CIMAP3: variants seen among roughly 807,000 people sequenced by gnomAD.
CIMAP3 encodes ciliary microtubule-associated protein 3.
the CIMAP3 span, among the ~76,000 whole-genome samples, chr1:111,340,550 A>C: frequency 3.9e-3 from 588 of 151,288 alleles, 3 homozygotes; most frequent in African/African-American, 0.013. Context: ...GGCGAAGGAC[A>C]TGAACAGACA....
the CIMAP3 span, among the ~76,000 whole-genome samples, chr1:111,336,544 G>A: frequency 6.6e-6 from 1 of 152,332 alleles, no homozygotes; most frequent in South Asian, 2.1e-4. Flanking sequence ...AGAACTACAT[G>A]AAGAATGCAG....
chr1:111,336,886 A>G, the CIMAP3 span, among the ~76,000 whole-genome samples: 1 of 151,970 alleles, frequency 6.6e-6, no homozygotes, highest in African/African-American at 2.4e-5. Context: ...ACTCCAAGAC[A>G]CATAATTGTC....
At chr1:111,342,318 G>A in the CIMAP3 span, among the ~76,000 whole-genome samples, 6 of 152,192 alleles carry the variant, frequency 3.9e-5, no homozygotes, top group Non-Finnish European at 7.3e-5. Context: ...TATCCAGGTG[G>A]CCATGTCTAA....
chr1:111,324,691 G>A, the CIMAP3 span: 1 of 984,808 alleles, frequency 1.0e-6, no homozygotes, highest in Non-Finnish European at 1.2e-6. Flanking sequence ...CTTGGTTAAA[G>A]TCCCCATGTG....
the CIMAP3 span, among the ~76,000 whole-genome samples, chr1:111,329,163 G>A: frequency 6.6e-6 from 1 of 152,080 alleles, no homozygotes; most frequent in Non-Finnish European, 1.5e-5. Context: ...TAGAAGTGTT[G>A]AATATAGGCC....
the CIMAP3 span, among the ~76,000 whole-genome samples, chr1:111,328,429 T>C: frequency 2.0e-5 from 3 of 152,244 alleles, no homozygotes; most frequent in African/African-American, 7.2e-5. Context: ...CAGTGATCTG[T>C]CTAATACTGT....
chr1:111,336,207 C>A, the CIMAP3 span, among the ~76,000 whole-genome samples: 1 of 152,128 alleles, frequency 6.6e-6, no homozygotes, highest in Non-Finnish European at 1.5e-5. Flanking sequence ...CTGCACATCA[C>A]CATCATCAAA....
the CIMAP3 span, among the ~76,000 whole-genome samples, chr1:111,345,658 T>G: frequency 1.1e-4 from 16 of 152,322 alleles, no homozygotes; most frequent in East Asian, 5.8e-4. Context: ...GGAGTATGTG[T>G]GGATTCCAGG....
chr1:111,329,864 A>G, the CIMAP3 span, among the ~76,000 whole-genome samples: 2 of 151,948 alleles, frequency 1.3e-5, no homozygotes, highest in African/African-American at 4.8e-5. Flanking sequence ...ATAATCCCAT[A>G]TTTCTCAGAA....
chr1:111,335,538 A>G, the CIMAP3 span, among the ~76,000 whole-genome samples: 6 of 152,336 alleles, frequency 3.9e-5, no homozygotes, highest in South Asian at 1.2e-3. Flanking sequence ...ACAGCGCACC[A>G]GGAGATTATA....
At chr1:111,337,486 T>G in the CIMAP3 span, among the ~76,000 whole-genome samples, 57 of 151,810 alleles carry the variant, frequency 3.8e-4, no homozygotes, top group African/African-American at 1.3e-3. Context: ...AGGCTCAAAA[T>G]AAAAGGATGG....
At chr1:111,350,220 T>C in the CIMAP3 span, 1 of 1,603,222 alleles carries the variant, frequency 6.2e-7, no homozygotes, top group African/African-American at 1.3e-5. Context: ...CCCTAAAAGC[T>C]GAGGTAATAA....
chr1:111,326,210 C>A, the CIMAP3 span, among the ~76,000 whole-genome samples: 1 of 152,134 alleles, frequency 6.6e-6, no homozygotes, highest in Non-Finnish European at 1.5e-5. Context: ...CTATCAATAA[C>A]CATAGTCACT....
At chr1:111,338,937 T>G in the CIMAP3 span, among the ~76,000 whole-genome samples, 1 of 152,210 alleles carries the variant, frequency 6.6e-6, no homozygotes, top group Admixed American at 6.5e-5. Context: ...TTGATGAAAT[T>G]TGATGCAAAA....
the CIMAP3 span, chr1:111,346,493 C>G: frequency 2.9e-6 from 3 of 1,039,988 alleles, no homozygotes; most frequent in Non-Finnish European, 4.2e-6. Flanking sequence ...CTCCAAGGTG[C>G]GGGTTCCTGC....
the CIMAP3 span, among the ~76,000 whole-genome samples, chr1:111,340,848 C>T: frequency 6.6e-6 from 1 of 152,050 alleles, no homozygotes; most frequent in Non-Finnish European, 1.5e-5. Flanking sequence ...CCAGCCATCC[C>T]ATTACTGGGT....
chr1:111,347,216 A>G, the CIMAP3 span, among the ~76,000 whole-genome samples: 1 of 152,216 alleles, frequency 6.6e-6, no homozygotes, highest in Non-Finnish European at 1.5e-5. Flanking sequence ...AGCCAATGCC[A>G]GAGATTAAAG....
the CIMAP3 span, chr1:111,350,288 A>G: frequency 1.6e-6 from 2 of 1,262,624 alleles, no homozygotes; most frequent in East Asian, 2.3e-5. Context: ...GGTATTAGGG[A>G]CTCTTAATTA....
the CIMAP3 span, among the ~76,000 whole-genome samples, chr1:111,335,141 AAAAAAAAAAAAAGAC>A: frequency 1.4e-4 from 19 of 140,260 alleles, no homozygotes; most frequent in African/African-American, 4.9e-4. Flanking sequence ...AAAAAAAAAA[AAAAAAAAAAAAAGAC>A]AGAAAAAAAA....
Sources: gnomAD v4.1 joint callset for allele counts (sites outside exome capture counted in the v4.1 genomes callset) on GRCh38, gnomAD v4.1.1 for gene constraint, MANE v1.5 for transcripts, NCBI Gene and HGNC (gene_info 2026-07-23, HGNC 2026-07-21) for gene names.